The following ACBD6 variants were observed in gnomAD, a reference collection of about 807,000 sequenced individuals.
ACBD6 encodes acyl-CoA-binding domain-containing protein 6.
A neutral mutation model predicts 37.2 loss-of-function variants in ACBD6; 28 were observed. That is an observed-to-expected ratio of 0.75 (90% CI 0.56 to 1.03). The LOEUF (loss-of-function observed/expected upper bound fraction) is 1.03, where lower values mean the gene tolerates loss of function less well. Among genes scored for constraint, ACBD6 ranks in the 50% least tolerant of loss-of-function variants. The probability of loss-of-function intolerance (pLI) is 0.00; values close to 1 mark genes in which losing one functional copy is unlikely to be tolerated. For missense variants in ACBD6, 340 were observed against 337.4 expected, an observed-to-expected ratio of 1.01 and a Z score of -0.06; for synonymous variants, 113 against 126.8, an observed-to-expected ratio of 0.89 and a Z score of 0.73.
chr1:180,476,655 G>A (rs1013323589), intron 3 of ACBD6, among the ~76,000 whole-genome samples: 26 of 152,008 alleles, frequency 1.7e-4, no homozygotes, highest in African/African-American at 2.7e-4. Context: ...GTGAAACCCC[G>A]TCTCTACGAA....
intron 6 of ACBD6, among the ~76,000 whole-genome samples, chr1:180,334,239 G>A (rs944836861): frequency 1.3e-5 from 2 of 152,186 alleles, no homozygotes; most frequent in Non-Finnish European, 2.9e-5. Flanking sequence ...CCTGACCCTC[G>A]AGTAGCCTAA....
intron 6 of ACBD6, among the ~76,000 whole-genome samples, chr1:180,390,928 T>C (rs948427179): frequency 3.3e-5 from 5 of 152,156 alleles, no homozygotes; most frequent in Non-Finnish European, 7.4e-5. Context: ...TTTCAAAACT[T>C]AACTACAAAG....
At chr1:180,334,573 G>C (rs1380831993) in intron 6 of ACBD6, among the ~76,000 whole-genome samples, 2 of 152,158 alleles carry the variant, frequency 1.3e-5, no homozygotes, top group African/African-American at 2.4e-5. Flanking sequence ...AAACAGAGCA[G>C]AAAAACTGGA....
intron 7 of ACBD6, among the ~76,000 whole-genome samples, chr1:180,301,123 T>C (rs1383439386): frequency 6.6e-6 from 1 of 152,186 alleles, no homozygotes; most frequent in Non-Finnish European, 1.5e-5. Flanking sequence ...TAGAAAAGGC[T>C]AAATGAGATT....
chr1:180,476,834 A>T (rs1650815411), intron 3 of ACBD6, among the ~76,000 whole-genome samples: 1 of 152,168 alleles, frequency 6.6e-6, no homozygotes, highest in African/African-American at 2.4e-5. Flanking sequence ...CAAAAAAAGC[A>T]CAAAAAACAA....
intron 1 of ACBD6, among the ~76,000 whole-genome samples, chr1:180,496,294 T>C (rs4652505): frequency 0.49 from 73,945 of 152,022 alleles, 20,809 homozygotes; most frequent in South Asian, 0.66. Context: ...TATGAACTCT[T>C]AGAGCATTTA....
At chr1:180,370,022 T>C (rs926061459) in intron 6 of ACBD6, among the ~76,000 whole-genome samples, 5 of 152,224 alleles carry the variant, frequency 3.3e-5, no homozygotes, top group Non-Finnish European at 7.3e-5. Flanking sequence ...CAATATTATT[T>C]CTACTCTAAG....
At chr1:180,314,620 T>C (rs1650727396) in intron 7 of ACBD6, 72 bp downstream of exon 7, 4 of 1,278,606 alleles carry the variant, frequency 3.1e-6, no homozygotes, top group Admixed American at 1.8e-5. Flanking sequence ...TATATAGGAA[T>C]GGACAAAGTT....
intron 6 of ACBD6, among the ~76,000 whole-genome samples, chr1:180,388,003 G>GTC (rs1653909514): frequency 7.1e-6 from 1 of 141,382 alleles, no homozygotes; most frequent in Non-Finnish European, 1.6e-5. Context: ...ATGAAACCCC[G>GTC]TCTCTACTAA....
intron 4 of ACBD6, among the ~76,000 whole-genome samples, chr1:180,419,648 T>C (rs1648269009): frequency 6.6e-6 from 1 of 152,242 alleles, no homozygotes; most frequent in African/African-American, 2.4e-5. Flanking sequence ...TGAAGGCTTA[T>C]CGATAAACAG....
At chr1:180,462,588 T>C (rs1173724546) in intron 3 of ACBD6, among the ~76,000 whole-genome samples, 4 of 152,170 alleles carry the variant, frequency 2.6e-5, no homozygotes, top group African/African-American at 7.2e-5. Context: ...AAGCAAGTTT[T>C]TGGAGACCTT....
At chr1:180,436,009 T>C in intron 3 of ACBD6, 1 of 811,200 alleles carries the variant, frequency 1.2e-6, no homozygotes, top group Non-Finnish European at 2.1e-6. Flanking sequence ...GAATTTACTG[T>C]ATCGTTTAAT....
intron 9 of ACBD6, chr1:180,276,572 G>A (rs551328183): frequency 6.6e-6 from 1 of 152,336 alleles, no homozygotes; most frequent in African/African-American, 2.4e-5. Context: ...ATGAACACTG[G>A]GGTGGGGAGG....
intron 3 of ACBD6, among the ~76,000 whole-genome samples, chr1:180,461,808 A>G (rs1650159539): frequency 6.6e-6 from 1 of 152,208 alleles, no homozygotes; most frequent in African/African-American, 2.4e-5. Flanking sequence ...AACCACTACC[A>G]GCCACTACAA....
At chr1:180,274,155 G>A in intron 10 of ACBD6, 1 of 1,613,992 alleles carries the variant, frequency 6.2e-7, no homozygotes, top group Non-Finnish European at 8.5e-7. Flanking sequence ...CCTGGCAGCT[G>A]ACAATAAATC....
intron 5 of ACBD6, among the ~76,000 whole-genome samples, chr1:180,401,738 A>C (rs901213164): frequency 6.7e-6 from 1 of 149,354 alleles, no homozygotes; most frequent in African/African-American, 2.5e-5. Flanking sequence ...CAGTGAGATG[A>C]GATCGTGCCA....
At position 180,339,584 on chromosome 1, in the gene ACBD6, TGAC is replaced by T. The variant is rs1385244215; in HGVS notation, c.664-24865_664-24863del. On this transcript the variant is annotated intron_variant, in intron 6 of 7. Coordinates refer to ENST00000367595, the MANE Select transcript of ACBD6 (RefSeq NM_032360.4). ...CGTTAGGAGATATAGCTAATGTAAA[TGAC>T]GAGTTAATGGGTGCAGCACACCAAC... Among the ~76,000 whole-genome samples, 5 of 152,030 alleles carry T rather than the reference TGAC, an allele frequency of 3.3e-5. No individual in the cohort carries two copies. In the East Asian group the frequency reaches 9.7e-4, roughly 29 times the overall value.
At chr1:180,359,288 T>A (rs1652753500) in intron 6 of ACBD6, among the ~76,000 whole-genome samples, 3 of 152,198 alleles carry the variant, frequency 2.0e-5, no homozygotes, top group Admixed American at 2.0e-4. Context: ...TCAACGTATA[T>A]TTTTTAAAAG....
At chr1:180,428,328 G>A (rs1648680487) in intron 4 of ACBD6, among the ~76,000 whole-genome samples, 1 of 150,758 alleles carries the variant, frequency 6.6e-6, no homozygotes. Flanking sequence ...CAAAAGTGAA[G>A]AAGTTGAGAA....
Sources: allele counts gnomAD v4.1 joint callset (sites outside exome capture counted in the v4.1 genomes callset), GRCh38; gene constraint gnomAD v4.1.1; transcripts MANE v1.5; gene names NCBI Gene and HGNC (gene_info 2026-07-23, HGNC 2026-07-21).